The following MGAT4C variants were observed in gnomAD, a reference collection of about 807,000 sequenced individuals.
The protein encoded by MGAT4C is MGAT4 family member C.
Under a neutral mutation model 40.1 loss-of-function variants are expected in MGAT4C, and 19 were observed. The observed-to-expected ratio is 0.47, with a 90% CI of 0.33 to 0.70. MGAT4C has a LOEUF of 0.70. Among genes scored for constraint, MGAT4C ranks in the 30% least tolerant of loss-of-function variants. MGAT4C has a pLI of 0.02. For synonymous variants in MGAT4C, 181 were observed against 187.1 expected, an observed-to-expected ratio of 0.97 and a Z score of 0.27; for missense variants, 491 against 563.2, an observed-to-expected ratio of 0.87 and a Z score of 1.30.
At chr12:86,360,958 A>T (rs1217208117) in intron 3 of MGAT4C, among the ~76,000 whole-genome samples, 1 of 152,202 alleles carries the variant, frequency 6.6e-6, no homozygotes, top group Non-Finnish European at 1.5e-5. Flanking sequence ...GCTACTGATG[A>T]CTTTCTTCAC....
chr12:86,175,795 CAAAAAAA>C (rs61441239), intron 1 of MGAT4C, among the ~76,000 whole-genome samples: 1 of 83,642 alleles, frequency 1.2e-5, no homozygotes, highest in African/African-American at 5.0e-5. Context: ...ACTAAAAATA[CAAAAAAA>C]AAAAAAAAAA....
chr12:86,203,589 T>C (rs760535819), intron 1 of MGAT4C, among the ~76,000 whole-genome samples: 2 of 152,082 alleles, frequency 1.3e-5, no homozygotes, highest in African/African-American at 2.4e-5. Flanking sequence ...CACCAGACAA[T>C]ATGTTACCAG....
intron 3 of MGAT4C, among the ~76,000 whole-genome samples, chr12:86,433,023 A>C (rs1957070600): frequency 6.6e-6 from 1 of 152,036 alleles, no homozygotes; most frequent in Non-Finnish European, 1.5e-5. Context: ...CACACAGTTC[A>C]GTTAGAACCT....
Position 86,550,610 on chromosome 12 carries a change from G to A in MGAT4C, c.-228-115345C>T, listed in dbSNP as rs1959303633. On this transcript the variant is annotated intron_variant, in intron 2 of 7. Coordinates refer to the MGAT4C transcript ENST00000548651. ...TCATTCCACCAAGTCCACAAAGGTG[G>A]CTTAACACCACAATATCACTGTGCT... Among the ~76,000 whole-genome samples, 3 of 152,162 alleles carry A rather than the reference G, an allele frequency of 2.0e-5. No individual in the cohort carries two copies. In the South Asian group the frequency reaches 6.2e-4, roughly 31 times the overall value.
At chr12:86,030,484 A>T (rs955585965) in intron 2 of MGAT4C, among the ~76,000 whole-genome samples, 6 of 151,808 alleles carry the variant, frequency 4.0e-5, no homozygotes, top group African/African-American at 1.4e-4. Flanking sequence ...GTACACTTGT[A>T]TCAAAGACCA....
chr12:85,990,796 A>C lies in MGAT4C; in HGVS notation c.-6-1244T>G, dbSNP rs189219864. Among the ~76,000 whole-genome samples the C allele has an allele frequency of 7.1e-3, 1,083 of 152,272 alleles. 13 individuals carry two copies. The highest frequency in any genetic ancestry group is 0.024 in the African/African-American group (1,009 of 41,544). On this transcript the variant is annotated intron_variant, in intron 2 of 4. Transcript: ENST00000611864. The stretch of plus-strand genomic sequence containing the variant: ...TTTCTTAAGGGTTATTTTTCTTATA[A>C]ATTTGTAGAAATTGTAAATATGTGT...
intron 2 of MGAT4C, among the ~76,000 whole-genome samples, chr12:86,525,792 T>A (rs1958869716): frequency 6.6e-6 from 1 of 152,158 alleles, no homozygotes; most frequent in Non-Finnish European, 1.5e-5. Context: ...ACTGGATCAT[T>A]GAGGTTAGGA....
At chr12:86,455,058 G>A (rs562940482) in intron 2 of MGAT4C, among the ~76,000 whole-genome samples, 1 of 152,034 alleles carries the variant, frequency 6.6e-6, no homozygotes, top group South Asian at 2.1e-4. Context: ...TGCTTGCATT[G>A]ATTGTGAATC....
chr12:86,212,397 G>A (rs1593248430), intron 1 of MGAT4C, among the ~76,000 whole-genome samples: 1 of 152,034 alleles, frequency 6.6e-6, no homozygotes, highest in Non-Finnish European at 1.5e-5. Context: ...CCATGAAGAG[G>A]AGGAAAATAT....
chr12:86,142,034 T>C (rs990369080), intron 1 of MGAT4C, among the ~76,000 whole-genome samples: 5 of 152,122 alleles, frequency 3.3e-5, no homozygotes, highest in African/African-American at 1.2e-4. Flanking sequence ...GAGGAAACAG[T>C]AATTCTAAGG....
chr12:86,652,926 A>G (rs1963733409), intron 2 of MGAT4C, among the ~76,000 whole-genome samples: 1 of 151,900 alleles, frequency 6.6e-6, no homozygotes. Context: ...ATGATTCTGT[A>G]TTAACAAAGA....
At chr12:86,602,622 C>T (rs897715836) in intron 2 of MGAT4C, among the ~76,000 whole-genome samples, 2 of 152,050 alleles carry the variant, frequency 1.3e-5, no homozygotes, top group African/African-American at 4.8e-5. Context: ...AATTTCCAAC[C>T]CTAAAAGTTA....
chr12:86,081,032 TTGATG>T (rs1330541113), intron 1 of MGAT4C, among the ~76,000 whole-genome samples: 1 of 152,176 alleles, frequency 6.6e-6, no homozygotes, highest in Non-Finnish European at 1.5e-5. Flanking sequence ...TGGCATTTAG[TTGATG>T]TGAATAGGTT....
intron 1 of MGAT4C, among the ~76,000 whole-genome samples, chr12:86,805,988 C>A (rs1025206991): frequency 6.6e-6 from 1 of 151,568 alleles, no homozygotes; most frequent in African/African-American, 2.4e-5. Flanking sequence ...AACATTTTTT[C>A]ATAAATTTAT....
At chr12:86,188,993 CTA>C (rs1191387558) in intron 1 of MGAT4C, among the ~76,000 whole-genome samples, 2 of 151,650 alleles carry the variant, frequency 1.3e-5, no homozygotes, top group Admixed American at 1.3e-4. Flanking sequence ...ACAGGTTTTG[CTA>C]TGTTTTATGT....
chr12:86,641,470 G>A (rs894931546), intron 2 of MGAT4C, among the ~76,000 whole-genome samples: 25 of 151,528 alleles, frequency 1.6e-4, no homozygotes, highest in Admixed American at 1.3e-3. Flanking sequence ...GTATACATAT[G>A]TAACTAATCT....
At chr12:86,454,802 T>C (rs978264822) in intron 2 of MGAT4C, among the ~76,000 whole-genome samples, 10 of 152,292 alleles carry the variant, frequency 6.6e-5, no homozygotes, top group Admixed American at 1.3e-4. Context: ...ATATAAACTT[T>C]CTGAAGTTTG....
At chr12:86,617,423 A>T (rs1962486588) in intron 2 of MGAT4C, among the ~76,000 whole-genome samples, 1 of 152,184 alleles carries the variant, frequency 6.6e-6, no homozygotes, top group Admixed American at 6.6e-5. Flanking sequence ...CTCGAGTCTC[A>T]CCACTAAAAA....
chr12:86,110,815 T>C (rs529562963), intron 1 of MGAT4C, among the ~76,000 whole-genome samples: 4 of 151,812 alleles, frequency 2.6e-5, no homozygotes, highest in South Asian at 4.1e-4. Flanking sequence ...TATTGTACAG[T>C]TGTACATACT....
Sources: allele counts gnomAD v4.1 joint callset (sites outside exome capture counted in the v4.1 genomes callset), GRCh38; gene constraint gnomAD v4.1.1; transcripts MANE v1.5; gene names NCBI Gene and HGNC (gene_info 2026-07-23, HGNC 2026-07-21).